Variants in SCFD2 observed in about 807,000 individuals in gnomAD.
The protein encoded by SCFD2 is sec1 family domain containing 2.
A neutral mutation model predicts 58.9 loss-of-function variants in SCFD2; 54 were observed. That is an observed-to-expected ratio of 0.92 (90% confidence interval 0.74 to 1.15). The LOEUF (loss-of-function observed/expected upper bound fraction) is 1.15, where lower values mean the gene tolerates loss of function less well. SCFD2 is among the 50% of genes most tolerant of loss of function. SCFD2 has a pLI of 0.00. For synonymous variants in SCFD2, 321 were observed against 335.9 expected (o/e 0.96, Z 0.49); for missense variants, 805 against 836.6 (o/e 0.96, Z 0.47).
chr4:53,047,873 G>T (rs1364002985), intron 5 of SCFD2, among the ~76,000 whole-genome samples: 1 of 152,144 alleles, frequency 6.6e-6, no homozygotes, highest in African/African-American at 2.4e-5. Context: ...ATATTTTGCA[G>T]GGGTGTCTAA....
chr4:53,152,628 A>G (rs1453249329), intron 4 of SCFD2, among the ~76,000 whole-genome samples: 4 of 152,210 alleles, frequency 2.6e-5, no homozygotes, highest in African/African-American at 9.6e-5. Context: ...ATGTCCTCGC[A>G]ATAAAAAATA....
intron 7 of SCFD2, among the ~76,000 whole-genome samples, chr4:52,902,930 G>A (rs1183585382): frequency 4.6e-5 from 7 of 152,146 alleles, no homozygotes; most frequent in South Asian, 2.1e-4. Context: ...TATAGTAGAC[G>A]TCATGAGGAA....
At chr4:52,927,237 T>C (rs1296085939) in intron 5 of SCFD2, among the ~76,000 whole-genome samples, 1 of 152,204 alleles carries the variant, frequency 6.6e-6, no homozygotes, top group Non-Finnish European at 1.5e-5. Flanking sequence ...CATATTCATA[T>C]ATGTAATCTT....
At chr4:52,967,183 A>C (rs546751718) in intron 5 of SCFD2, among the ~76,000 whole-genome samples, 2 of 152,262 alleles carry the variant, frequency 1.3e-5, no homozygotes, top group South Asian at 4.2e-4. Flanking sequence ...TGCATCTTTA[A>C]ACAACCTCAA....
intron 3 of SCFD2, among the ~76,000 whole-genome samples, chr4:53,280,150 A>G (rs1437429290): frequency 7.2e-5 from 11 of 152,232 alleles, no homozygotes; most frequent in African/African-American, 1.7e-4. Context: ...AGATTATTCT[A>G]TCATACCCAG....
At chr4:53,207,370 C>A (rs1408512949) in intron 4 of SCFD2, among the ~76,000 whole-genome samples, 1 of 144,864 alleles carries the variant, frequency 6.9e-6, no homozygotes, top group Non-Finnish European at 1.5e-5. Context: ...ATAGTGCTCA[C>A]ATTTTTCAAA....
intron 5 of SCFD2, among the ~76,000 whole-genome samples, chr4:53,140,929 T>C (rs1037671546): frequency 6.6e-6 from 1 of 152,194 alleles, no homozygotes; most frequent in African/African-American, 2.4e-5. Flanking sequence ...GTTACTTTCT[T>C]GATCCTATCA....
intron 3 of SCFD2, among the ~76,000 whole-genome samples, chr4:53,280,155 A>T (rs1731462296): frequency 6.6e-6 from 1 of 152,210 alleles, no homozygotes; most frequent in South Asian, 2.1e-4. Context: ...ATTCTATCAT[A>T]CCCAGTCTGT....
chr4:52,999,582 C>G (rs1404816563), intron 5 of SCFD2, among the ~76,000 whole-genome samples: 1 of 152,154 alleles, frequency 6.6e-6, no homozygotes, highest in African/African-American at 2.4e-5. Context: ...GTGTGTCTGA[C>G]AGGACCTGGT....
intron 4 of SCFD2, among the ~76,000 whole-genome samples, chr4:53,151,581 C>T (rs1035009334): frequency 2.0e-5 from 3 of 152,206 alleles, no homozygotes; most frequent in African/African-American, 7.2e-5. Context: ...GGCTTTATTC[C>T]ACGTGGCTGC....
chr4:53,139,575 C>G (rs895907717), intron 5 of SCFD2, among the ~76,000 whole-genome samples: 64 of 151,484 alleles, frequency 4.2e-4, no homozygotes, highest in Non-Finnish European at 7.1e-4. Flanking sequence ...GGCAGCCGCC[C>G]CGTCCGGGAG....
intron 5 of SCFD2, among the ~76,000 whole-genome samples, chr4:52,962,497 T>A (rs1298823863): frequency 6.6e-6 from 1 of 152,208 alleles, no homozygotes; most frequent in Non-Finnish European, 1.5e-5. Context: ...TAGGTTGTAG[T>A]ATTTTCTCCT....
intron 7 of SCFD2, among the ~76,000 whole-genome samples, chr4:52,886,569 G>A (rs1718746684): frequency 6.6e-6 from 1 of 152,250 alleles, no homozygotes; most frequent in Non-Finnish European, 1.5e-5. Flanking sequence ...AGTAGGTGGG[G>A]CATCTCCTGT....
chr4:53,133,327 C>CAA lies in SCFD2; in HGVS notation c.1561+12004_1561+12005dup, dbSNP rs34787254. ...TGGGCGACAGTGCAAGACTCCGTCT[C>CAA]AAAAAAAAAAAAAAAAAAAAAAATT... On this transcript the variant is annotated intron_variant, in intron 5 of 8. Transcript: ENST00000401642. Among the ~76,000 whole-genome samples the CAA allele has an allele frequency of 5.1e-3, 428 of 83,122 alleles. 5 individuals are homozygous for CAA. The highest frequency in any genetic ancestry group is 0.031 in the East Asian group (103 of 3,344). The allele number at this position is 83,122 out of a possible 152,430, so 54.5% of individuals were successfully genotyped here.
At chr4:53,087,158 C>A (rs1724330550) in intron 5 of SCFD2, among the ~76,000 whole-genome samples, 1 of 151,984 alleles carries the variant, frequency 6.6e-6, no homozygotes, top group South Asian at 2.1e-4. Flanking sequence ...CAACTACTAC[C>A]CACAAAAATA....
At chr4:53,329,853 T>A (rs950025252) in intron 2 of SCFD2, among the ~76,000 whole-genome samples, 26 of 151,540 alleles carry the variant, frequency 1.7e-4, no homozygotes, top group African/African-American at 6.3e-4. Context: ...TTGAAAAAAA[T>A]TTAGAAGAAT....
chr4:53,240,827 G>A (rs1729869952), intron 4 of SCFD2, among the ~76,000 whole-genome samples: 1 of 152,216 alleles, frequency 6.6e-6, no homozygotes, highest in South Asian at 2.1e-4. Flanking sequence ...CCTTGAGTTC[G>A]ATTTCTTAGA....
chr4:53,278,150 C>G (rs116430120), intron 3 of SCFD2, among the ~76,000 whole-genome samples: 8,724 of 151,982 alleles, frequency 0.057, 340 homozygotes, highest in Non-Finnish European at 0.09. Flanking sequence ...GTGGATCACT[C>G]GAGGTCCAGG....
At chr4:53,277,731 A>G (rs1265065679) in intron 3 of SCFD2, among the ~76,000 whole-genome samples, 3 of 152,330 alleles carry the variant, frequency 2.0e-5, no homozygotes, top group East Asian at 3.9e-4. Context: ...CCGTATGTTC[A>G]TTTTAAAGAT....
Sources: gnomAD v4.1 joint callset for allele counts (sites outside exome capture counted in the v4.1 genomes callset) on GRCh38, gnomAD v4.1.1 for gene constraint, MANE v1.5 for transcripts, NCBI Gene and HGNC (gene_info 2026-07-23, HGNC 2026-07-21) for gene names.